Variants in SAMD12 observed in about 807,000 individuals in gnomAD.
SAMD12 encodes sterile alpha motif domain-containing protein 12.
A neutral mutation model predicts 15.0 loss-of-function variants in SAMD12; 9 were observed. The observed-to-expected ratio is 0.60, with a 90% confidence interval of 0.36 to 1.05. The LOEUF (loss-of-function observed/expected upper bound fraction) is 1.05, where lower values mean the gene tolerates loss of function less well. SAMD12 is among the 50% of genes least tolerant of loss of function. SAMD12 has a pLI of 0.01. For synonymous variants in SAMD12, 86 were observed against 90.1 expected (o/e 0.96, Z 0.25); for missense variants, 230 against 234.2 (o/e 0.98, Z 0.12).
In SAMD12 at chr8:118,322,405, A is replaced by G. The variant is rs78886434; in HGVS notation, c.433+57155T>C. On this transcript the variant is annotated intron_variant, in intron 4 of 4. Transcript: ENST00000409003. ...TGAACCACTGAATAGGGAGCAACTG[A>G]AGTTATAAGGGAGATCCCTGGCTAC... Among the ~76,000 whole-genome samples the G allele has an allele frequency of 3.3e-4, 50 of 152,310 alleles. 1 individual carries two copies. The East Asian group carries it at 9.1e-3, about 28-fold the overall frequency.
At chr8:118,554,887 C>T (rs533129358) in intron 2 of SAMD12, among the ~76,000 whole-genome samples, 28 of 152,240 alleles carry the variant, frequency 1.8e-4, no homozygotes, top group South Asian at 1.2e-3. Context: ...ATTTCAGACA[C>T]GTCAACCACA....
intron 4 of SAMD12, among the ~76,000 whole-genome samples, chr8:118,282,618 T>C (rs1813706913): frequency 6.6e-6 from 1 of 152,108 alleles, no homozygotes; most frequent in African/African-American, 2.4e-5. Context: ...CTTTATGAAA[T>C]GAAAATGAAC....
intron 4 of SAMD12, among the ~76,000 whole-genome samples, chr8:118,221,595 G>A (rs1276763168): frequency 6.6e-6 from 1 of 152,282 alleles, no homozygotes; most frequent in African/African-American, 2.4e-5. Context: ...AGATGGGGTT[G>A]TAGTGGCTTG....
intron 2 of SAMD12, among the ~76,000 whole-genome samples, chr8:118,526,055 T>C (rs978151961): frequency 6.6e-6 from 1 of 152,194 alleles, no homozygotes; most frequent in African/African-American, 2.4e-5. Context: ...CAAGTCTTAT[T>C]TGTCCTAAAG....
the SAMD12 span, among the ~76,000 whole-genome samples, chr8:118,133,590 G>A: frequency 2.4e-4 from 36 of 152,116 alleles, 1 homozygote; most frequent in African/African-American, 8.0e-4. Context: ...TTAGCTGTTG[G>A]TACTACTTCC....
At chr8:118,600,804 A>G (rs576876003) in intron 1 of SAMD12, among the ~76,000 whole-genome samples, 1 of 151,128 alleles carries the variant, frequency 6.6e-6, no homozygotes, top group Non-Finnish European at 1.5e-5. Flanking sequence ...TTTAGATCTG[A>G]TTTTTTTTAA....
rs1825352170 is a variant in SAMD12, at chr8:118,520,237, C to T, written c.192+60478G>A. On this transcript the variant is annotated intron_variant, in intron 2 of 3. Coordinates refer to ENST00000314727, the MANE Select transcript of SAMD12 (RefSeq NM_207506.3). ...TTTTAGTAAAGAAGAAAAAAACACA[C>T]ATAAAAATATCTTTCCATCTTCAAA... is the stretch of plus-strand genomic sequence containing the variant. Among the ~76,000 whole-genome samples the T allele has an allele frequency of 6.8e-5, 10 of 148,046 alleles. No individual in the cohort carries two copies. The South Asian group carries it at 2.3e-3, about 34-fold the overall frequency.
At position 118,321,299 on chromosome 8, in the gene SAMD12, T is replaced by G. The variant is rs1414465488; in HGVS notation, c.433+58261A>C. 1.3e-3 allele frequency among the ~76,000 whole-genome samples: 59 copies of G among 44,918 alleles called. No homozygotes were observed. In the African/African-American group the frequency reaches 0.016, roughly 12 times the overall value. 29.5% of individuals were successfully genotyped at this position (44,918 alleles called of 152,430 possible). ...GAAAAGAGGTGTTTTTTTTTTGTTT[T>G]TTTTTTTTTTGGTTTTTTTTTAAAG... On this transcript the variant is annotated intron_variant, in intron 4 of 4. Transcript: ENST00000409003.
At chr8:118,403,139 A>T (rs1820949487) in intron 3 of SAMD12, among the ~76,000 whole-genome samples, 1 of 152,232 alleles carries the variant, frequency 6.6e-6, no homozygotes, top group Admixed American at 6.5e-5. Context: ...TGTGAAGGGA[A>T]TGCTGCATCT....
At chr8:118,146,319 G>A in the SAMD12 span, among the ~76,000 whole-genome samples, 1 of 152,180 alleles carries the variant, frequency 6.6e-6, no homozygotes, top group Non-Finnish European at 1.5e-5. Context: ...TCACATTGCA[G>A]GGAGGTGATA....
chr8:118,246,542 C>T (rs1235003240), intron 4 of SAMD12, among the ~76,000 whole-genome samples: 2 of 152,088 alleles, frequency 1.3e-5, no homozygotes, highest in Admixed American at 1.3e-4. Flanking sequence ...TCAAACTGTA[C>T]TTTAAACTTG....
At chr8:118,292,950 C>T (rs1376511183) in intron 4 of SAMD12, among the ~76,000 whole-genome samples, 17 of 151,416 alleles carry the variant, frequency 1.1e-4, no homozygotes, top group African/African-American at 1.9e-4. Context: ...TACCTAATGC[C>T]AGATGACGAG....
At chr8:118,523,633 T>C (rs968042026) in intron 2 of SAMD12, among the ~76,000 whole-genome samples, 2 of 152,094 alleles carry the variant, frequency 1.3e-5, no homozygotes, top group African/African-American at 4.8e-5. Context: ...GCTACTTAAC[T>C]GAAAAAGGTC....
chr8:118,305,590 T>C (rs1012866274), intron 4 of SAMD12, among the ~76,000 whole-genome samples: 3 of 152,344 alleles, frequency 2.0e-5, no homozygotes, highest in East Asian at 1.9e-4. Context: ...GCTGTGAACA[T>C]TGGTGTACCA....
chr8:118,365,407 G>A (rs1818712693), intron 4 of SAMD12, among the ~76,000 whole-genome samples: 1 of 152,152 alleles, frequency 6.6e-6, no homozygotes, highest in South Asian at 2.1e-4. Flanking sequence ...CACCCATGTA[G>A]GTGGAATTGT....
chr8:118,343,255 C>G (rs1817463200), intron 4 of SAMD12, among the ~76,000 whole-genome samples: 1 of 152,006 alleles, frequency 6.6e-6, no homozygotes, highest in Non-Finnish European at 1.5e-5. Flanking sequence ...ACCAATTTTC[C>G]AGCCTTGATG....
intron 4 of SAMD12, among the ~76,000 whole-genome samples, chr8:118,328,674 C>T (rs887408081): frequency 9.9e-5 from 15 of 152,188 alleles, no homozygotes; most frequent in East Asian, 7.7e-4. Context: ...AGGTGGATCT[C>T]GGGCTGTGTT....
the SAMD12 span, among the ~76,000 whole-genome samples, chr8:118,179,163 C>T: frequency 7.7e-4 from 117 of 152,192 alleles, no homozygotes; most frequent in African/African-American, 2.5e-3. Flanking sequence ...AATAAGGGGC[C>T]GGATGCGGTG....
chr8:118,410,130 T>C (rs900048789), intron 3 of SAMD12, among the ~76,000 whole-genome samples: 6 of 152,214 alleles, frequency 3.9e-5, no homozygotes, highest in African/African-American at 7.2e-5. Flanking sequence ...AATGAGGTTA[T>C]TTATTGATAA....
Sources: gnomAD v4.1 joint callset for allele counts (sites outside exome capture counted in the v4.1 genomes callset) on GRCh38, gnomAD v4.1.1 for gene constraint, MANE v1.5 for transcripts, NCBI Gene and HGNC (gene_info 2026-07-23, HGNC 2026-07-21) for gene names.